DENND1A: variants seen among roughly 807,000 people sequenced by gnomAD.
DENND1A encodes DENN domain containing 1A.
A neutral mutation model predicts 113.7 loss-of-function variants in DENND1A; 51 were observed. The ratio of observed to expected loss-of-function variants is 0.45; its 90% CI spans 0.36 to 0.57. The LOEUF (loss-of-function observed/expected upper bound fraction) is 0.57. DENND1A is among the 20% of genes least tolerant of loss of function. The pLI is 0.00. For synonymous variants in DENND1A, 565 were observed against 570.8 expected (o/e 0.99, Z 0.14); for missense variants, 1,258 against 1,395.9 (o/e 0.90, Z 1.57).
chr9:123,459,957 T>G (rs984045936), intron 13 of DENND1A, among the ~76,000 whole-genome samples: 6 of 152,166 alleles, frequency 3.9e-5, no homozygotes, highest in Non-Finnish European at 8.8e-5. Context: ...TTACAAAGGA[T>G]CTGAGGCAGC....
At position 123,422,399 on chromosome 9, in the gene DENND1A, T is replaced by C. The variant is rs1394890725; in HGVS notation, c.1489-10570A>G. 6.6e-6 allele frequency among the ~76,000 whole-genome samples: 1 copy of C among 152,222 alleles called. No individual in the cohort carries two copies. Among genetic ancestry groups the C allele is most frequent in the African/African-American group, 2.4e-5 (1 of 41,456 alleles). ...GGCCATCCCCCAAAGCAATAGACTT[T>C]TTGAGTGGAATGCAAACGTGGAAGC... On this transcript the variant is annotated intron_variant, in intron 19 of 23. Transcript: ENST00000394215. This position sits in a 1 kb window ranked among gnomAD's most constrained non-coding sequence, Gnocchi z 4.8.
At chr9:123,457,524 A>T in intron 14 of DENND1A, 89 bp from the exon 15 acceptor site, 1 of 1,098,502 alleles carries the variant, frequency 9.1e-7, no homozygotes, top group South Asian at 1.3e-5. Context: ...TATCCAAGGT[A>T]GGAGTTTTCA....
chr9:123,501,263 T>C (rs566678217), intron 13 of DENND1A, among the ~76,000 whole-genome samples: 8 of 152,360 alleles, frequency 5.3e-5, no homozygotes, highest in Admixed American at 3.9e-4. Flanking sequence ...GTGTAGCATG[T>C]GTCAGAATTT....
intron 12 of DENND1A, among the ~76,000 whole-genome samples, chr9:123,582,734 C>G (rs954996111): frequency 6.7e-6 from 1 of 150,152 alleles, no homozygotes; most frequent in African/African-American, 2.5e-5. Context: ...GAGTCTCGCT[C>G]TGTCACCCAG....
chr9:123,634,881 T>C (rs2061631733), intron 9 of DENND1A, among the ~76,000 whole-genome samples: 1 of 152,192 alleles, frequency 6.6e-6, no homozygotes, highest in African/African-American at 2.4e-5. Context: ...GGACACAGAC[T>C]GTACAGTAAA....
Position 123,668,301 on chromosome 9 carries a change from T to C in DENND1A, c.454-1222A>G, listed in dbSNP as rs111839842. On this transcript the variant is annotated intron_variant, in intron 7 of 23. Coordinates refer to ENST00000394215, the MANE Select transcript of DENND1A (RefSeq NM_001352964.2). ...CAAAATAGGTAGGTGTGTAGAAGAA[T>C]GAGTTGTATAGGCTTTCTGAAATGA... Among the ~76,000 whole-genome samples the C allele has an allele frequency of 5.9e-5, 9 of 152,320 alleles. 1 individual carries two copies. The highest frequency in any genetic ancestry group is 2.2e-4 in the African/African-American group (9 of 41,570).
At chr9:123,623,637 T>C (rs369675487) in intron 10 of DENND1A, among the ~76,000 whole-genome samples, 41 of 152,360 alleles carry the variant, frequency 2.7e-4, no homozygotes, top group African/African-American at 7.0e-4. Context: ...AATCTGTGAT[T>C]ATAGCTCTAA....
At chr9:123,383,957 AG>A in intron 22 of DENND1A, 44 bp from the exon 23 acceptor site, 2 of 1,579,088 alleles carry the variant, frequency 1.3e-6, no homozygotes. Context: ...CCAGGCCTTC[AG>A]GGGAGGAGCA....
chr9:123,665,618 T>C (rs2063456078), intron 8 of DENND1A, among the ~76,000 whole-genome samples: 1 of 152,206 alleles, frequency 6.6e-6, no homozygotes, highest in Admixed American at 6.5e-5. Flanking sequence ...TGGAAAAATT[T>C]CCTTTCTGTG....
At chr9:123,884,215 T>C (rs1329417893) in intron 1 of DENND1A, among the ~76,000 whole-genome samples, 1 of 152,168 alleles carries the variant, frequency 6.6e-6, no homozygotes, top group Non-Finnish European at 1.5e-5. Context: ...CACCTTGAGA[T>C]TGCTTATCCC....
At chr9:123,623,828 A>G (rs1223619382) in intron 10 of DENND1A, among the ~76,000 whole-genome samples, 1 of 152,202 alleles carries the variant, frequency 6.6e-6, no homozygotes, top group Non-Finnish European at 1.5e-5. Flanking sequence ...TCTGGACTCA[A>G]TGACTGTGAC....
At chr9:123,460,100 T>A (rs2048417537) in intron 13 of DENND1A, among the ~76,000 whole-genome samples, 2 of 152,176 alleles carry the variant, frequency 1.3e-5, no homozygotes, top group Admixed American at 6.5e-5. Flanking sequence ...AGTTACAAAA[T>A]TAGCTCTGAG....
In DENND1A at chr9:123,780,653, C is replaced by T. The variant is rs564401505; in HGVS notation, c.133-11090G>A. Among the ~76,000 whole-genome samples, 3 of 152,284 alleles carry T rather than the reference C, an allele frequency of 2.0e-5. No individual in the cohort carries two copies. In the South Asian group the frequency reaches 6.2e-4, roughly 32 times the overall value. On this transcript the variant is annotated intron_variant, in intron 3 of 23. Transcript: ENST00000394215. ...TAAAGTTTGTATAAATGTAATATCA[C>T]ATTTTTGTCAAAGGTTTACCATTTT...
intron 2 of DENND1A, among the ~76,000 whole-genome samples, chr9:123,863,622 T>C (rs1845386553): frequency 6.6e-6 from 1 of 152,150 alleles, no homozygotes; most frequent in Non-Finnish European, 1.5e-5. Context: ...CAACTTTGGT[T>C]GTACTAAATT....
At chr9:123,442,270 T>C (rs1370547265) in intron 18 of DENND1A, among the ~76,000 whole-genome samples, 2 of 152,228 alleles carry the variant, frequency 1.3e-5, no homozygotes, top group Admixed American at 6.5e-5. Context: ...ACCTCCTGGC[T>C]TTACTGGGAG....
chr9:123,920,188 C>T (rs59202285), intron 1 of DENND1A, among the ~76,000 whole-genome samples: 4,931 of 152,168 alleles, frequency 0.032, 265 homozygotes, highest in African/African-American at 0.11. Flanking sequence ...CCCAGCACTT[C>T]GGGAGGCCGA....
At chr9:123,653,257 G>A (rs1175176525) in intron 8 of DENND1A, among the ~76,000 whole-genome samples, 1 of 152,146 alleles carries the variant, frequency 6.6e-6, no homozygotes, top group African/African-American at 2.4e-5. Context: ...TATAAATACA[G>A]AGCAAGTGAA....
At chr9:123,545,054 C>T (rs184463629) in intron 13 of DENND1A, among the ~76,000 whole-genome samples, 169 of 151,684 alleles carry the variant, frequency 1.1e-3, no homozygotes, top group African/African-American at 3.7e-3. Context: ...GCTGAGATCG[C>T]GCCACTGTAC....
intron 1 of DENND1A, among the ~76,000 whole-genome samples, chr9:123,888,793 A>T (rs2133731128): frequency 6.6e-6 from 1 of 152,370 alleles, no homozygotes; most frequent in Admixed American, 6.5e-5. Flanking sequence ...ACCACTAGTG[A>T]AACCTGAATG....
Sources: allele counts gnomAD v4.1 joint callset (sites outside exome capture counted in the v4.1 genomes callset), GRCh38; gene constraint gnomAD v4.1.1; non-coding constraint Gnocchi (gnomAD v3.1); transcripts MANE v1.5; gene names NCBI Gene and HGNC (gene_info 2026-07-23, HGNC 2026-07-21).